Variants in SLC35F1 observed in about 807,000 individuals in gnomAD.
SLC35F1 encodes solute carrier family 35 member F1.
Under a neutral mutation model 48.7 loss-of-function variants are expected in SLC35F1, and 14 were observed. The ratio of observed to expected loss-of-function variants is 0.29; its 90% CI spans 0.19 to 0.45. SLC35F1 has a LOEUF of 0.45. Among genes scored for constraint, SLC35F1 ranks in the 20% least tolerant of loss-of-function variants. The probability of loss-of-function intolerance (pLI) is 1.00; values close to 1 mark genes in which losing one functional copy is unlikely to be tolerated. For synonymous variants in SLC35F1, 190 were observed against 202.2 expected (o/e 0.94, Z 0.51); for missense variants, 404 against 500.0 (o/e 0.81, Z 1.83).
At chr6:118,140,763 T>C (rs2516065) in intron 1 of SLC35F1, among the ~76,000 whole-genome samples, 3,093 of 152,286 alleles carry the variant, frequency 0.02, 121 homozygotes, top group African/African-American at 0.071. Context: ...GACAGTGATA[T>C]TGATGACCTT....
At chr6:118,211,857 T>C (rs1775004556) in intron 2 of SLC35F1, among the ~76,000 whole-genome samples, 1 of 152,192 alleles carries the variant, frequency 6.6e-6, no homozygotes, top group African/African-American at 2.4e-5. Flanking sequence ...GTAAGGATAT[T>C]AACTGTTTAT....
chr6:118,030,989 G>T (rs932002806), intron 1 of SLC35F1, among the ~76,000 whole-genome samples: 1 of 151,766 alleles, frequency 6.6e-6, no homozygotes, highest in African/African-American at 2.4e-5. Flanking sequence ...GCAGTTTTAG[G>T]TTCACAGCAA....
chr6:118,172,648 T>C (rs533454452), intron 2 of SLC35F1, among the ~76,000 whole-genome samples: 35 of 152,248 alleles, frequency 2.3e-4, no homozygotes, highest in African/African-American at 7.7e-4. Flanking sequence ...AATCTGTGGC[T>C]CAGATTTCCT....
intron 2 of SLC35F1, among the ~76,000 whole-genome samples, chr6:118,212,416 G>A (rs771192229): frequency 4.6e-5 from 7 of 152,128 alleles, no homozygotes; most frequent in East Asian, 3.9e-4. Context: ...ATAGCTGGGC[G>A]CAGTGGCTCA....
chr6:118,047,704 A>C (rs147908315), intron 1 of SLC35F1, among the ~76,000 whole-genome samples: 31 of 152,272 alleles, frequency 2.0e-4, no homozygotes, highest in African/African-American at 7.5e-4. Context: ...CAAAATTTAA[A>C]ACTGGCTCTG....
chr6:118,267,425 T>A (rs1305890658), intron 4 of SLC35F1, among the ~76,000 whole-genome samples: 1 of 152,132 alleles, frequency 6.6e-6, no homozygotes, highest in Non-Finnish European at 1.5e-5. Context: ...AAACTGAGAG[T>A]CATGACCTAC....
intron 7 of SLC35F1, among the ~76,000 whole-genome samples, chr6:118,311,960 CT>C (rs780769523): frequency 5.3e-5 from 8 of 152,122 alleles, no homozygotes; most frequent in Non-Finnish European, 1.2e-4. Context: ...TATAAGTGTT[CT>C]ACATGCCTTA....
chr6:117,990,854 G>T (rs1218785575), intron 1 of SLC35F1, among the ~76,000 whole-genome samples: 1 of 152,170 alleles, frequency 6.6e-6, no homozygotes, highest in East Asian at 1.9e-4. Flanking sequence ...GCTGCAGTTG[G>T]AGTGTTGGCT....
chr6:118,140,137 C>T (rs1175246938), intron 1 of SLC35F1, among the ~76,000 whole-genome samples: 1 of 152,120 alleles, frequency 6.6e-6, no homozygotes, highest in Non-Finnish European at 1.5e-5. Context: ...TTATAGCAGC[C>T]TTTACTAGGT....
At chr6:117,993,963 T>C (rs905851286) in intron 1 of SLC35F1, among the ~76,000 whole-genome samples, 2 of 152,198 alleles carry the variant, frequency 1.3e-5, no homozygotes, top group African/African-American at 4.8e-5. Context: ...GTCAGAAGTC[T>C]GAGTGGGCTT....
intron 2 of SLC35F1, among the ~76,000 whole-genome samples, chr6:118,214,170 G>C (rs1196802727): frequency 6.6e-6 from 1 of 152,000 alleles, no homozygotes; most frequent in Non-Finnish European, 1.5e-5. Flanking sequence ...ATACTGTCTG[G>C]TACCATAGTA....
chr6:118,124,790 T>C (rs1266150142), intron 1 of SLC35F1, among the ~76,000 whole-genome samples: 6 of 152,182 alleles, frequency 3.9e-5, no homozygotes, highest in Non-Finnish European at 1.5e-5. Context: ...GGAAATTCCA[T>C]ATATTCTCAC....
intron 1 of SLC35F1, among the ~76,000 whole-genome samples, chr6:118,127,547 C>G (rs184483910): frequency 6.6e-6 from 1 of 152,124 alleles, no homozygotes; most frequent in Non-Finnish European, 1.5e-5. Flanking sequence ...TTGAGAAAAA[C>G]AAGCAATGGG....
At chr6:117,985,164 C>T (rs1367081769) in intron 1 of SLC35F1, among the ~76,000 whole-genome samples, 2 of 152,140 alleles carry the variant, frequency 1.3e-5, no homozygotes, top group East Asian at 3.9e-4. Flanking sequence ...GTGTTTCTTT[C>T]CCCATTCCAT....
At position 118,121,398 on chromosome 6, in the gene SLC35F1, T is replaced by A. The variant is rs1241585425; in HGVS notation, c.174-33047T>A. Among the ~76,000 whole-genome samples the A allele has an allele frequency of 2.6e-5, 4 of 152,238 alleles. No homozygotes were observed. The South Asian group carries it at 6.2e-4, about 24-fold the overall frequency. On this transcript the variant is annotated intron_variant, in intron 1 of 7. Transcript: ENST00000360388. ...ATCTTCATAGAACCACTGAAAGTTA[T>A]AATTGTCATTTTATAGTTGAGAAAA...
At chr6:118,106,216 C>T (rs1330481112) in intron 1 of SLC35F1, among the ~76,000 whole-genome samples, 1 of 152,158 alleles carries the variant, frequency 6.6e-6, no homozygotes, top group African/African-American at 2.4e-5. Flanking sequence ...ACCCCTCTTC[C>T]TAATCTTTGG....
intron 2 of SLC35F1, among the ~76,000 whole-genome samples, chr6:118,177,450 C>T (rs1262254049): frequency 6.6e-6 from 1 of 152,094 alleles, no homozygotes; most frequent in African/African-American, 2.4e-5. Context: ...TACAGTTAAG[C>T]AGTTCCCTTC....
At chr6:117,954,660 A>T (rs1164038597) in intron 1 of SLC35F1, among the ~76,000 whole-genome samples, 1 of 152,196 alleles carries the variant, frequency 6.6e-6, no homozygotes, top group Non-Finnish European at 1.5e-5. Flanking sequence ...GGTGGAAATT[A>T]TTCTCTCCGC....
intron 2 of SLC35F1, among the ~76,000 whole-genome samples, chr6:118,162,708 T>C (rs1774255185): frequency 6.6e-6 from 1 of 152,190 alleles, no homozygotes; most frequent in African/African-American, 2.4e-5. Context: ...CCTTGTGGCA[T>C]CCTTTTAGAC....
Sources: allele counts gnomAD v4.1 joint callset (sites outside exome capture counted in the v4.1 genomes callset), GRCh38; gene constraint gnomAD v4.1.1; transcripts MANE v1.5; gene names NCBI Gene and HGNC (gene_info 2026-07-23, HGNC 2026-07-21).